The following MED1 variants were observed in gnomAD, a reference collection of about 807,000 sequenced individuals.
The protein encoded by MED1 is mediator of RNA polymerase II transcription subunit 1.
Under a neutral mutation model 121.3 loss-of-function variants are expected in MED1, and 17 were observed. The observed-to-expected ratio is 0.14, with a 90% confidence interval of 0.10 to 0.21. MED1 has a LOEUF of 0.21. Among genes scored for constraint, MED1 ranks in the 10% least tolerant of loss-of-function variants. MED1 has a pLI of 1.00. For synonymous variants in MED1, 661 were observed against 694.4 expected (o/e 0.95, Z 0.76); for missense variants, 1,558 against 1,919.4 (o/e 0.81, Z 3.52).
Position 39,420,357 on chromosome 17 carries a change from G to A in MED1, c.1096-439C>T, listed in dbSNP as rs548902293. 3.1e-4 allele frequency among the ~76,000 whole-genome samples: 47 copies of A among 151,324 alleles called. 1 individual carries two copies. The South Asian group carries it at 7.1e-3, about 23-fold the overall frequency. ...TGCGACTATAGGCACCCGCCACCACGCCCGGCTAATTTTTTTTGTATTTTT... is the reference window on the plus strand; with the variant it reads ...TGCGACTATAGGCACCCGCCACCACACCCGGCTAATTTTTTTTGTATTTTT... On this transcript the variant is annotated intron_variant, in intron 13 of 16. Coordinates refer to ENST00000300651, the MANE Select transcript of MED1 (RefSeq NM_004774.4).
intron 11 of MED1, among the ~76,000 whole-genome samples, chr17:39,424,327 A>G (rs947855062): frequency 6.6e-6 from 1 of 152,184 alleles, no homozygotes; most frequent in African/African-American, 2.4e-5. Flanking sequence ...ATTTATCCTG[A>G]GGCATGTTCT....
chr17:39,440,609 G>C lies in MED1; in HGVS notation c.266+14C>G, dbSNP rs754821988. The C allele has an allele frequency of 1.2e-6, 2 of 1,612,606 alleles. No homozygotes were observed. The highest frequency in any genetic ancestry group is 1.7e-6 in the Non-Finnish European group (2 of 1,179,076). ...ACTAAGTTAAACATTTCTGCCTACAGAAAGACTACTTACCCATTCTGTCTT... is the reference window on the plus strand; with the variant it reads ...ACTAAGTTAAACATTTCTGCCTACACAAAGACTACTTACCCATTCTGTCTT... On this transcript the variant is annotated intron_variant, in intron 4 of 16. Coordinates refer to ENST00000300651, the MANE Select transcript of MED1 (RefSeq NM_004774.4). The surrounding 1 kb of genome is among the most constrained non-coding windows in gnomAD (Gnocchi z 4.1).
intron 9 of MED1, among the ~76,000 whole-genome samples, chr17:39,430,556 G>A (rs1371624399): frequency 2.0e-5 from 3 of 151,882 alleles, no homozygotes; most frequent in Admixed American, 6.6e-5. Flanking sequence ...AGCCAGGCGT[G>A]GTGGCGGGCG....
At chr17:39,422,052 C>T (rs1361597291) in intron 13 of MED1, among the ~76,000 whole-genome samples, 12 of 148,328 alleles carry the variant, frequency 8.1e-5, no homozygotes, top group East Asian at 2.1e-4. Flanking sequence ...GGCATGAACC[C>T]GGGAGGTGGA....
rs2048667748 is a variant in MED1, at chr17:39,440,792, A to C, written c.212-115T>G. 4.0e-6 allele frequency: 4 copies of C among 993,614 alleles called. No homozygotes were observed. The highest frequency in any genetic ancestry group is 6.1e-6 in the Non-Finnish European group (4 of 653,346). 61.5% of individuals were successfully genotyped at this position (993,614 alleles called of 1,614,324 possible). A position where few individuals can be genotyped will look rare whatever the true frequency, so the allele number is the denominator to read the frequency against. ...ACCGTAAACATATTCAGTAGTTCAA[A>C]TGCTTGTAATTTACATAAAGTTCAC... is the stretch of plus-strand genomic sequence containing the variant. On this transcript the variant is annotated intron_variant, in intron 3 of 16. Transcript: ENST00000300651. The surrounding 1 kb of genome is among the most constrained non-coding windows in gnomAD (Gnocchi z 4.1).
intron 1 of MED1, among the ~76,000 whole-genome samples, chr17:39,449,046 T>C (rs919825478): frequency 6.6e-6 from 1 of 152,060 alleles, no homozygotes; most frequent in African/African-American, 2.4e-5. Context: ...CTTTTCTTTT[T>C]TTTTTTTAAG....
chr17:39,427,341 T>C (rs968613753), intron 10 of MED1: 1 of 154,564 alleles, frequency 6.5e-6, no homozygotes, highest in Admixed American at 6.6e-5. Flanking sequence ...ACCACCATGC[T>C]TGGGTAATTT....
rs562036308 is a variant in MED1 at position 39,434,718 on chromosome 17, C to CT, written c.429-399dup. On this transcript the variant is annotated intron_variant, in intron 6 of 16. Coordinates refer to ENST00000300651, the MANE Select transcript of MED1 (RefSeq NM_004774.4). ...TTCCCGATGTTGCCCAGGCCAGACT[C>CT]TAACTCCAGGACTTCAGCAATGCTC... Among the ~76,000 whole-genome samples the CT allele has an allele frequency of 9.8e-4, 149 of 152,254 alleles. 1 individual carries two copies. Among genetic ancestry groups the CT allele is most frequent in the African/African-American group, 3.4e-3 (140 of 41,556 alleles).
At chr17:39,418,462 G>A (rs2048431071) in intron 14 of MED1, among the ~76,000 whole-genome samples, 1 of 151,910 alleles carries the variant, frequency 6.6e-6, no homozygotes, top group Admixed American at 6.6e-5. Context: ...GAGCCAAGGA[G>A]GTAGAGGCAG....
intron 3 of MED1, among the ~76,000 whole-genome samples, chr17:39,442,335 C>T (rs2048683779): frequency 6.6e-6 from 1 of 152,054 alleles, no homozygotes; most frequent in Non-Finnish European, 1.5e-5. Flanking sequence ...TGGTAGCTCA[C>T]GCCTGTAATC....
chr17:39,412,448 G>A (rs1451414717), intron 16 of MED1, among the ~76,000 whole-genome samples: 2 of 149,908 alleles, frequency 1.3e-5, no homozygotes, highest in Non-Finnish European at 3.0e-5. Context: ...GGCTGGTCTC[G>A]AACTCCTGAC....
Position 39,406,848 on chromosome 17 carries a change from CTG to C in MED1, c.*625_*626del. The C allele has an allele frequency of 1.0e-6, 1 of 985,452 alleles. No homozygotes were observed. The highest frequency in any genetic ancestry group is 1.2e-6 in the Non-Finnish European group (1 of 829,904). The allele number at this position is 985,452 out of a possible 1,614,324, so 61.0% of individuals were successfully genotyped here. ...AACCTCATAGATTTAGAACGAAACA[CTG>C]TATAAAAACAAACAGATAAAGGGTT... On this transcript the variant is annotated 3_prime_UTR_variant, in exon 17 of 17. Transcript: ENST00000300651.
intron 6 of MED1, 47 bp from the exon 7 acceptor site, chr17:39,434,367 A>G (rs775181062): frequency 2.1e-6 from 2 of 967,870 alleles, no homozygotes; most frequent in Non-Finnish European, 3.1e-6. Flanking sequence ...AATAAAACAT[A>G]AAATTACTAC....
At chr17:39,421,799 A>G (rs1458687931) in intron 13 of MED1, among the ~76,000 whole-genome samples, 2 of 151,900 alleles carry the variant, frequency 1.3e-5, no homozygotes, top group Non-Finnish European at 1.5e-5. Flanking sequence ...TATAACACCT[A>G]ATTATGATAT....
chr17:39,443,671 C>T (rs1274312219), intron 2 of MED1, 43 bp from the exon 3 acceptor site: 1 of 1,510,250 alleles, frequency 6.6e-7, no homozygotes, highest in East Asian at 2.3e-5. Flanking sequence ...ATTAACCAGG[C>T]CAACAGTGTT....
rs777818377 is a variant in MED1, at chr17:39,423,378, T to C, written c.1044A>G (p.Leu348=). 1.9e-6 allele frequency: 3 copies of C among 1,614,048 alleles called. No homozygotes were observed. The highest frequency in any genetic ancestry group is 2.5e-6 in the Non-Finnish European group (3 of 1,179,930). Residue 348 remains leucine (L), a synonymous_variant, in exon 13 of 17, where the codon CTA becomes CTG. Transcript: ENST00000300651. ...PLYELITQFE[L]SKDPDPIPLN... Reference sequence around the variant, plus strand: ...AAGGTATGGGGTCAGGGTCCTTTGATAGCTCAAACTGAGTGATCAGTTCAT... The same window carrying C: ...AAGGTATGGGGTCAGGGTCCTTTGACAGCTCAAACTGAGTGATCAGTTCAT...
At chr17:39,427,660 A>G (rs984776958) in intron 10 of MED1, 41 bp downstream of exon 10, 2 of 1,432,204 alleles carry the variant, frequency 1.4e-6, no homozygotes, top group Non-Finnish European at 1.9e-6. Context: ...CAAGCTGGGC[A>G]CCGAACAAAA....
At chr17:39,426,851 T>G (rs1047598608) in intron 10 of MED1, among the ~76,000 whole-genome samples, 4 of 151,894 alleles carry the variant, frequency 2.6e-5, no homozygotes, top group African/African-American at 9.7e-5. Flanking sequence ...TCTCTTTATC[T>G]TTTCTTGTAT....
chr17:39,423,284 A>G, intron 13 of MED1, 43 bp downstream of exon 13: 1 of 1,425,280 alleles, frequency 7.0e-7, no homozygotes, highest in Non-Finnish European at 9.9e-7. Context: ...TCTTGGGTCC[A>G]AACATAACCT....
Sources: allele counts gnomAD v4.1 joint callset (sites outside exome capture counted in the v4.1 genomes callset), GRCh38; gene constraint gnomAD v4.1.1; non-coding constraint Gnocchi (gnomAD v3.1); transcripts MANE v1.5; gene names NCBI Gene and HGNC (gene_info 2026-07-23, HGNC 2026-07-21).